SEMA4D: variants seen among roughly 807,000 people sequenced by gnomAD.
SEMA4D encodes semaphorin-4D.
Under a neutral mutation model 74.8 loss-of-function variants are expected in SEMA4D, and 22 were observed. That is an observed-to-expected ratio of 0.29 (90% CI 0.21 to 0.42). The LOEUF (loss-of-function observed/expected upper bound fraction) is 0.42, where lower values mean the gene tolerates loss of function less well. Among genes scored for constraint, SEMA4D ranks in the 10% least tolerant of loss-of-function variants. SEMA4D has a pLI of 1.00. For missense variants in SEMA4D, 937 were observed against 1,118.4 expected (o/e 0.84, Z 2.31); for synonymous variants, 445 against 463.7 (o/e 0.96, Z 0.52).
intron 12 of SEMA4D, chr9:89,386,736 G>T: frequency 2.5e-6 from 1 of 392,428 alleles, no homozygotes; most frequent in Non-Finnish European, 4.7e-6. Flanking sequence ...TTGACCCCAA[G>T]AATCCTCACC....
intron 1 of SEMA4D, among the ~76,000 whole-genome samples, chr9:89,495,237 C>A (rs977502046): frequency 3.9e-5 from 6 of 152,112 alleles, no homozygotes; most frequent in African/African-American, 1.4e-4. Flanking sequence ...TGCTGTGACA[C>A]CCCCAGCTAA....
In SEMA4D at chr9:89,399,287, T is replaced by G; in HGVS notation, c.304A>C (p.Lys102Gln). Residue 102 changes from lysine to glutamine, a missense_variant, in exon 5 of 16, where the codon AAA becomes CAA. Coordinates refer to ENST00000422704, the MANE Select transcript of SEMA4D (RefSeq NM_001371194.2). Reference sequence around the variant, plus strand: ...CAAAAGAAATTTACCTGTTTTGATTTCCCCTTTTCTGCACATTTTGCTTTT... The same window carrying G: ...CAAAAGAAATTTACCTGTTTTGATTGCCCCTTTTCTGCACATTTTGCTTTT... ...DKKAKCAEKGKSKQTECLNYI... is the reference protein window; with the variant it reads ...DKKAKCAEKGQSKQTECLNYI... 1 of 1,613,652 alleles carries G rather than the reference T, an allele frequency of 6.2e-7. No individual in the cohort carries two copies. Among genetic ancestry groups the G allele is most frequent in the Non-Finnish European group, 8.5e-7 (1 of 1,179,482 alleles).
chr9:89,466,558 A>C (rs554186208), intron 1 of SEMA4D, among the ~76,000 whole-genome samples: 1 of 152,290 alleles, frequency 6.6e-6, no homozygotes, highest in South Asian at 2.1e-4. Flanking sequence ...GACCATACGC[A>C]GTGCATCATC....
chr9:89,467,185 C>T (rs1401931396), intron 1 of SEMA4D, among the ~76,000 whole-genome samples: 5 of 152,182 alleles, frequency 3.3e-5, no homozygotes, highest in Admixed American at 3.3e-4. Flanking sequence ...CATGGGTACA[C>T]GGCCCTTGCA....
At chr9:89,377,201 T>A, downstream of SEMA4D, 1 of 1,220,672 alleles carries the variant, frequency 8.2e-7, no homozygotes, top group African/African-American at 1.5e-5. Flanking sequence ...GGCGGGAGGC[T>A]GCACAGCCTC....
At chr9:89,388,062 C>T (rs1163028473) in intron 11 of SEMA4D, among the ~76,000 whole-genome samples, 2 of 152,178 alleles carry the variant, frequency 1.3e-5, no homozygotes, top group Non-Finnish European at 1.5e-5. Context: ...TGAGTGAACA[C>T]ATTTTACGAA....
At chr9:89,363,687 A>C in intron 17 of SEMA4D, 4 of 1,596,252 alleles carry the variant, frequency 2.5e-6, no homozygotes, top group Non-Finnish European at 3.4e-6. Context: ...TGCCATTGTA[A>C]ATAGTGAAAA....
intron 2 of SEMA4D, among the ~76,000 whole-genome samples, chr9:89,433,681 A>C (rs1049992681): frequency 6.6e-6 from 1 of 152,222 alleles, no homozygotes; most frequent in African/African-American, 2.4e-5. Flanking sequence ...GCCCAAGTAC[A>C]GGGTGGATAC....
At chr9:89,401,170 T>C (rs1390051091) in intron 4 of SEMA4D, among the ~76,000 whole-genome samples, 1 of 152,094 alleles carries the variant, frequency 6.6e-6, no homozygotes, top group Non-Finnish European at 1.5e-5. Context: ...TCCTCCCACT[T>C]CAGACTTCCA....
intron 2 of SEMA4D, among the ~76,000 whole-genome samples, chr9:89,441,143 T>C (rs1392241052): frequency 6.6e-6 from 1 of 152,226 alleles, no homozygotes; most frequent in Non-Finnish European, 1.5e-5. Flanking sequence ...AAAGTCTTAT[T>C]ACACATTGTA....
intron 1 of SEMA4D, among the ~76,000 whole-genome samples, chr9:89,485,504 C>A (rs914469024): frequency 1.3e-5 from 2 of 152,074 alleles, no homozygotes; most frequent in African/African-American, 4.8e-5. Flanking sequence ...AAAACATTAA[C>A]CGGGCTGGGC....
intron 16 of SEMA4D, chr9:89,364,374 G>A (rs1833246646): frequency 3.6e-6 from 1 of 279,412 alleles, no homozygotes; most frequent in Admixed American, 4.5e-5. Flanking sequence ...GCCACAGCAT[G>A]GAGAGGCCCA....
downstream of SEMA4D, among the ~76,000 whole-genome samples, chr9:89,376,003 T>G (rs770186388): frequency 3.9e-5 from 6 of 152,170 alleles, no homozygotes; most frequent in Admixed American, 6.5e-5. Context: ...CTGGTTAGTT[T>G]TTTTCACATT....
chr9:89,420,437 CA>C lies in SEMA4D; in HGVS notation c.-243-14739del, dbSNP rs201949625. On this transcript the variant is annotated intron_variant, in intron 2 of 15. Transcript: ENST00000422704. ...ATCCAATGGCCTGTTCATCAAAAAG[CA>C]ATGAAATTAATTAGGAGAGAGAAGC... is the stretch of plus-strand genomic sequence containing the variant. 3.0e-4 allele frequency among the ~76,000 whole-genome samples: 46 copies of C among 152,340 alleles called. No homozygotes were observed. The East Asian group carries it at 8.3e-3, about 27-fold the overall frequency.
intron 2 of SEMA4D, among the ~76,000 whole-genome samples, chr9:89,428,893 C>G (rs1364917273): frequency 6.6e-6 from 1 of 152,234 alleles, no homozygotes; most frequent in Non-Finnish European, 1.5e-5. Context: ...TAGGGCTCTG[C>G]CCCCTGGGTC....
At chr9:89,385,073 CTCCCTGTGTG>C in intron 13 of SEMA4D, 2 of 982,380 alleles carry the variant, frequency 2.0e-6, no homozygotes, top group Non-Finnish European at 2.4e-6. Context: ...GGGCGCGAGG[CTCCCTGTGTG>C]GCCAGCTGCC....
Position 89,450,212 on chromosome 9 carries a change from T to C in SEMA4D, c.-244+5676A>G, listed in dbSNP as rs1172560309. On this transcript the variant is annotated intron_variant, in intron 2 of 15. Coordinates refer to ENST00000422704, the MANE Select transcript of SEMA4D (RefSeq NM_001371194.2). The stretch of plus-strand genomic sequence containing the variant: ...AGAAGGACCATGAAAAAGCTGAATT[T>C]GAGGTACATGAAGTATATGCTGTGG... The C allele has an allele frequency of 2.9e-5, 37 of 1,258,468 alleles. No homozygotes were observed. In the African/African-American group the frequency reaches 4.5e-4, roughly 15 times the overall value. 78.0% of individuals were successfully genotyped at this position (1,258,468 alleles called of 1,614,324 possible). A position where few individuals can be genotyped will look rare whatever the true frequency, so the allele number is the denominator to read the frequency against.
chr9:89,449,713 G>T, intron 2 of SEMA4D: 2 of 1,516,478 alleles, frequency 1.3e-6, no homozygotes, highest in Non-Finnish European at 1.8e-6. Context: ...TGTGAGAAAG[G>T]TGATGCCGTG....
intron 16 of SEMA4D, chr9:89,369,230 A>G (rs1439256188): frequency 6.6e-6 from 1 of 152,236 alleles, no homozygotes; most frequent in East Asian, 1.9e-4. Flanking sequence ...TGTGGCTGCT[A>G]GGAACGGGGG....
Sources: gnomAD v4.1 joint callset for allele counts (sites outside exome capture counted in the v4.1 genomes callset) on GRCh38, gnomAD v4.1.1 for gene constraint, MANE v1.5 for transcripts, NCBI Gene and HGNC (gene_info 2026-07-23, HGNC 2026-07-21) for gene names.